The following NEXMIF variants were observed in gnomAD, a reference collection of about 807,000 sequenced individuals.
NEXMIF encodes neurite extension and migration factor, also known as XLMR protein related to neurite extension.
In NEXMIF, 8 loss-of-function variants were observed where a neutral mutation model predicts 62.1. That is an observed-to-expected ratio of 0.13 (90% CI 0.08 to 0.23). The LOEUF is 0.23. NEXMIF is among the 10% of genes least tolerant of loss of function. The pLI, the probability that NEXMIF is intolerant of heterozygous loss-of-function variation, is 1.00. For synonymous variants in NEXMIF, 404 were observed against 416.6 expected, an observed-to-expected ratio of 0.97 and a Z score of 0.37; for missense variants, 976 against 1,113.3, an observed-to-expected ratio of 0.88 and a Z score of 1.75.
At chrX:74,831,518 T>G (rs2080437209) in intron 1 of NEXMIF, among the ~76,000 whole-genome samples, 1 of 110,331 alleles carries the variant, frequency 9.1e-6, no homozygotes, top group Non-Finnish European at 1.9e-5. Context: ...ACAAAGGACA[T>G]GAACTCTTCA....
At chrX:74,904,674 A>G (rs1689574039) in intron 1 of NEXMIF, among the ~76,000 whole-genome samples, 1 of 111,328 alleles carries the variant, frequency 9.0e-6, no homozygotes, top group Admixed American at 9.6e-5. Context: ...TTACGATGAA[A>G]AATTGCAGTT....
chrX:74,827,917 T>G (rs1569350904), intron 1 of NEXMIF, among the ~76,000 whole-genome samples: 1 of 112,230 alleles, frequency 8.9e-6, no homozygotes, highest in African/African-American at 3.2e-5. Context: ...GTTGCCTTCA[T>G]GGGTGGAGAG....
At chrX:74,876,781 A>G (rs1476356633) in intron 1 of NEXMIF, among the ~76,000 whole-genome samples, 1 of 100,602 alleles carries the variant, frequency 9.9e-6, no homozygotes, top group Non-Finnish European at 2.0e-5. Context: ...TTGTTGGTTT[A>G]AAGTCTGTTT....
chrX:74,846,020 A>G lies in NEXMIF; in HGVS notation c.-48+78863T>C, dbSNP rs368293335. 2.7e-5 allele frequency among the ~76,000 whole-genome samples: 3 copies of G among 112,281 alleles called. No individual in the cohort carries two copies. In the East Asian group the frequency reaches 8.4e-4, roughly 31 times the overall value. The stretch of plus-strand genomic sequence containing the variant: ...TTGTGTTTTCAGAAAAACCACTACA[A>G]TAATTTTCAAATAGAAACTATTAGC... On this transcript the variant is annotated intron_variant, in intron 1 of 3. Coordinates refer to ENST00000055682, the MANE Select transcript of NEXMIF (RefSeq NM_001008537.3).
At chrX:74,787,772 GA>G (rs2080265903) in intron 1 of NEXMIF, among the ~76,000 whole-genome samples, 1 of 112,098 alleles carries the variant, frequency 8.9e-6, no homozygotes, top group South Asian at 3.8e-4. Context: ...GGGCAAGGTT[GA>G]AAAAAACCTG....
At chrX:74,798,576 A>T (rs907335247) in intron 1 of NEXMIF, among the ~76,000 whole-genome samples, 2 of 112,307 alleles carry the variant, frequency 1.8e-5, no homozygotes, top group Non-Finnish European at 3.8e-5. Context: ...CCTAGCTACT[A>T]TGCTTTTCTT....
chrX:74,873,523 G>A (rs1190016392), intron 1 of NEXMIF, among the ~76,000 whole-genome samples: 1 of 111,920 alleles, frequency 8.9e-6, no homozygotes, highest in Non-Finnish European at 1.9e-5. Context: ...GGATGGCTGG[G>A]TCAAATGGTA....
At chrX:74,903,206 C>A (rs1345178646) in intron 1 of NEXMIF, among the ~76,000 whole-genome samples, 1 of 110,963 alleles carries the variant, frequency 9.0e-6, no homozygotes, top group Non-Finnish European at 1.9e-5. Context: ...CTGCAGAAAT[C>A]ATTAAGAAGA....
chrX:74,884,595 A>G (rs1205811805), intron 1 of NEXMIF, among the ~76,000 whole-genome samples: 1 of 112,156 alleles, frequency 8.9e-6, no homozygotes, highest in African/African-American at 3.2e-5. Context: ...AGAAGAACTA[A>G]CTATCCTAAA....
intron 1 of NEXMIF, among the ~76,000 whole-genome samples, chrX:74,753,782 T>G (rs1305553000): frequency 9.0e-6 from 1 of 110,645 alleles, no homozygotes; most frequent in Non-Finnish European, 1.9e-5. Context: ...GACTTTCTTC[T>G]TCCATCATGG....
intron 1 of NEXMIF, among the ~76,000 whole-genome samples, chrX:74,889,054 C>G (rs1240555896): frequency 9.0e-6 from 1 of 111,704 alleles, no homozygotes; most frequent in Non-Finnish European, 1.9e-5. Flanking sequence ...TCACTCAAGA[C>G]AATGGATGTG....
intron 1 of NEXMIF, among the ~76,000 whole-genome samples, chrX:74,898,333 G>A (rs2080738887): frequency 9.0e-6 from 1 of 111,217 alleles, no homozygotes; most frequent in Admixed American, 9.6e-5. Flanking sequence ...AAAACATCAG[G>A]TGAATCCCAA....
chrX:74,828,645 T>C (rs1019116155), intron 1 of NEXMIF, among the ~76,000 whole-genome samples: 1 of 112,017 alleles, frequency 8.9e-6, no homozygotes, highest in Non-Finnish European at 1.9e-5. Context: ...AAATAGCCTA[T>C]GATAGCTTCT....
chrX:74,890,166 C>T (rs1328474615), intron 1 of NEXMIF, among the ~76,000 whole-genome samples: 2 of 110,862 alleles, frequency 1.8e-5, no homozygotes, highest in Non-Finnish European at 3.8e-5. Context: ...TGATCCTGTT[C>T]TAGGACTTTG....
chrX:74,858,957 TACAC>T (rs2080545354), intron 1 of NEXMIF, among the ~76,000 whole-genome samples: 1 of 109,406 alleles, frequency 9.1e-6, no homozygotes, highest in African/African-American at 3.3e-5. Flanking sequence ...TATTTGAAAA[TACAC>T]AGTAAGAGTA....
At chrX:74,865,865 G>A (rs777793247) in intron 1 of NEXMIF, among the ~76,000 whole-genome samples, 48 of 112,026 alleles carry the variant, frequency 4.3e-4, no homozygotes, top group African/African-American at 1.5e-3. Context: ...CCTCTGCCTA[G>A]ATTTCAGTGG....
chrX:74,900,576 A>G (rs2080746628), intron 1 of NEXMIF, among the ~76,000 whole-genome samples: 1 of 112,000 alleles, frequency 8.9e-6, no homozygotes, highest in African/African-American at 3.2e-5. Flanking sequence ...GGAAGGTAAA[A>G]TGGTGTAACC....
chrX:74,872,726 C>T (rs979701250), intron 1 of NEXMIF, among the ~76,000 whole-genome samples: 5 of 109,229 alleles, frequency 4.6e-5, no homozygotes, highest in Non-Finnish European at 9.5e-5. Context: ...ATGGCTAGCC[C>T]ATATACCCTG....
intron 1 of NEXMIF, among the ~76,000 whole-genome samples, chrX:74,892,360 T>G (rs1012365710): frequency 2.7e-5 from 3 of 112,119 alleles, no homozygotes; most frequent in Non-Finnish European, 5.6e-5. Context: ...CCAAAGATCT[T>G]GCGTAGGTCT....
Sources: gnomAD v4.1 joint callset for allele counts (sites outside exome capture counted in the v4.1 genomes callset) on GRCh38, gnomAD v4.1.1 for gene constraint, MANE v1.5 for transcripts, NCBI Gene and HGNC (gene_info 2026-07-23, HGNC 2026-07-21) for gene names.